Variants in SERPINE2 observed in about 807,000 individuals in gnomAD.
SERPINE2 encodes the protein glia-derived nexin.
Under a neutral mutation model 36.3 loss-of-function variants are expected in SERPINE2, and 14 were observed. The observed-to-expected ratio is 0.39, with a 90% CI of 0.25 to 0.60. The LOEUF (loss-of-function observed/expected upper bound fraction) is 0.60, where lower values mean the gene tolerates loss of function less well. SERPINE2 is among the 20% of genes least tolerant of loss of function. SERPINE2 has a pLI of 0.57. For missense variants in SERPINE2, 418 were observed against 499.6 expected, an observed-to-expected ratio of 0.84 and a Z score of 1.56; for synonymous variants, 192 against 191.8, an observed-to-expected ratio of 1.00 and a Z score of -0.01.
chr2:224,022,474 A>C (rs13411332), intron 1 of SERPINE2, among the ~76,000 whole-genome samples: 103,207 of 152,010 alleles, frequency 0.68, 35,571 homozygotes, highest in Non-Finnish European at 0.75. Context: ...ATTAAGAAAC[A>C]GATAGGAAAT....
chr2:223,990,995 T>A (rs1284956513), intron 4 of SERPINE2, among the ~76,000 whole-genome samples: 2 of 152,132 alleles, frequency 1.3e-5, no homozygotes, highest in African/African-American at 2.4e-5. Flanking sequence ...TTTTTTCAAA[T>A]TCAGAAATAA....
intron 3 of SERPINE2, among the ~76,000 whole-genome samples, chr2:223,997,412 G>A (rs1274520344): frequency 6.6e-6 from 1 of 152,106 alleles, no homozygotes; most frequent in Non-Finnish European, 1.5e-5. Context: ...GTAGAGATGG[G>A]ATAAACCATG....
chr2:223,975,999 A>C (rs1574803255), intron 8 of SERPINE2, 95 bp from the exon 9 acceptor site: 1 of 1,152,486 alleles, frequency 8.7e-7, no homozygotes, highest in East Asian at 2.5e-5. Flanking sequence ...GGAAACAATC[A>C]TGTTTGACCT....
chr2:224,004,365 A>C (rs1373168919), intron 1 of SERPINE2, among the ~76,000 whole-genome samples: 2 of 152,240 alleles, frequency 1.3e-5, no homozygotes, highest in African/African-American at 2.4e-5. Flanking sequence ...GCTTTTCTAA[A>C]GATTTAGAAT....
intron 1 of SERPINE2, among the ~76,000 whole-genome samples, chr2:224,037,729 T>G (rs1486144276): frequency 1.3e-5 from 2 of 152,208 alleles, no homozygotes; most frequent in Non-Finnish European, 2.9e-5. Flanking sequence ...AAGTGAAAAT[T>G]AGCTTTTTTT....
chr2:224,019,768 A>ATTTTTT (rs1559216900), intron 1 of SERPINE2, among the ~76,000 whole-genome samples: 53 of 31,210 alleles, frequency 1.7e-3, no homozygotes, highest in African/African-American at 5.4e-3. Flanking sequence ...TTTTTTTTAA[A>ATTTTTT]AAAAAAAAAA....
intron 1 of SERPINE2, among the ~76,000 whole-genome samples, chr2:224,026,190 G>C (rs1386977942): frequency 6.6e-6 from 1 of 152,176 alleles, no homozygotes; most frequent in Non-Finnish European, 1.5e-5. Flanking sequence ...AAGAGGCTGG[G>C]TCGCCAAATC....
intron 1 of SERPINE2, among the ~76,000 whole-genome samples, chr2:224,013,405 C>A (rs375555387): frequency 1.2e-4 from 19 of 152,296 alleles, no homozygotes; most frequent in African/African-American, 4.6e-4. Flanking sequence ...TTGCACAGGG[C>A]GGTTTGGAGA....
At chr2:224,005,074 TATA>T (rs1559209180) in intron 1 of SERPINE2, among the ~76,000 whole-genome samples, 6,148 of 66,418 alleles carry the variant, frequency 0.093, 704 homozygotes, top group African/African-American at 0.21. Context: ...ATTATATATA[TATA>T]TATATATATA....
At chr2:224,009,289 A>T (rs1428473447) in intron 1 of SERPINE2, among the ~76,000 whole-genome samples, 1 of 152,166 alleles carries the variant, frequency 6.6e-6, no homozygotes, top group East Asian at 1.9e-4. Context: ...CTTGGAACCT[A>T]AGGCCCCTTA....
chr2:223,982,902 G>C, intron 5 of SERPINE2, 121 bp from the exon 6 acceptor site: 1 of 637,540 alleles, frequency 1.6e-6, no homozygotes, highest in Non-Finnish European at 2.6e-6. Context: ...GATCTGAATT[G>C]CATCTTAAAT....
intron 3 of SERPINE2, among the ~76,000 whole-genome samples, chr2:223,996,406 G>A (rs974020255): frequency 1.3e-5 from 2 of 152,148 alleles, no homozygotes; most frequent in Non-Finnish European, 2.9e-5. Flanking sequence ...TAGGAAGGGC[G>A]CCCAGACTGC....
At chr2:223,997,204 T>G (rs1049354464) in intron 3 of SERPINE2, among the ~76,000 whole-genome samples, 5 of 136,842 alleles carry the variant, frequency 3.7e-5, no homozygotes, top group Non-Finnish European at 7.7e-5. Context: ...ATTAAGGTTT[T>G]TTTGTTTTTT....
At chr2:224,025,798 C>T (rs1692161826) in intron 1 of SERPINE2, among the ~76,000 whole-genome samples, 1 of 152,172 alleles carries the variant, frequency 6.6e-6, no homozygotes, top group African/African-American at 2.4e-5. Flanking sequence ...TCAGAGTGAC[C>T]AAGAAAGTTG....
At chr2:224,010,701 A>C (rs1691596560) in intron 1 of SERPINE2, among the ~76,000 whole-genome samples, 1 of 152,198 alleles carries the variant, frequency 6.6e-6, no homozygotes, top group Non-Finnish European at 1.5e-5. Context: ...TAGAAATCAT[A>C]TCTCAAGGGT....
At chr2:223,993,236 G>A (rs1014452876) in intron 3 of SERPINE2, among the ~76,000 whole-genome samples, 5 of 152,200 alleles carry the variant, frequency 3.3e-5, no homozygotes, top group East Asian at 1.9e-4. Context: ...GGAATGGTCC[G>A]TCTTACTTGT....
intron 1 of SERPINE2, among the ~76,000 whole-genome samples, chr2:224,011,272 A>G (rs1691615813): frequency 6.6e-6 from 1 of 152,204 alleles, no homozygotes; most frequent in South Asian, 2.1e-4. Flanking sequence ...CTCAATCTTT[A>G]AAAACAAGGA....
At chr2:223,994,421 A>C (rs1285348091) in intron 3 of SERPINE2, among the ~76,000 whole-genome samples, 1 of 152,244 alleles carries the variant, frequency 6.6e-6, no homozygotes. Flanking sequence ...AGAGGCAAAG[A>C]GGCACATGGA....
chr2:224,013,895 G>C lies in SERPINE2; in HGVS notation c.-22-11973C>G, dbSNP rs575161857. 9 of 152,386 alleles carry C rather than the reference G, an allele frequency of 5.9e-5. No individual in the cohort carries two copies. In the East Asian group the frequency reaches 1.7e-3, roughly 29 times the overall value. The allele number at this position is 152,386 out of a possible 1,614,324, so 9.4% of individuals were successfully genotyped here. A position where few individuals can be genotyped will look rare whatever the true frequency, so the allele number is the denominator to read the frequency against. On this transcript the variant is annotated intron_variant, in intron 1 of 8. Transcript: ENST00000409304. ...TTGCAGGAGGTTCAGTGTAGTGTGT[G>C]CATGTCCACCTCCAGCTGCCAAACT...
Sources: gnomAD v4.1 joint callset for allele counts (sites outside exome capture counted in the v4.1 genomes callset) on GRCh38, gnomAD v4.1.1 for gene constraint, MANE v1.5 for transcripts, NCBI Gene and HGNC (gene_info 2026-07-23, HGNC 2026-07-21) for gene names.